Variants in SLC71A2 observed in about 807,000 individuals in gnomAD.
The protein encoded by SLC71A2 is hippocampus abundant transcript-like 1.
the SLC71A2 span, among the ~76,000 whole-genome samples, chr9:94,429,636 A>G: frequency 6.6e-6 from 1 of 152,164 alleles, no homozygotes; most frequent in Non-Finnish European, 1.5e-5. Context: ...CGAGCTGGTA[A>G]CACTGGCCAT....
chr9:94,430,504 T>C, the SLC71A2 span, among the ~76,000 whole-genome samples: 1 of 152,202 alleles, frequency 6.6e-6, no homozygotes, highest in Non-Finnish European at 1.5e-5. Flanking sequence ...ATCACAGGCA[T>C]GAGCCACTGC....
the SLC71A2 span, among the ~76,000 whole-genome samples, chr9:94,416,808 C>T: frequency 1.3e-5 from 2 of 150,096 alleles, no homozygotes; most frequent in Admixed American, 1.3e-4. Context: ...GAGCTGAGAT[C>T]GTGCCATTGC....
At chr9:94,392,647 T>G in the SLC71A2 span, among the ~76,000 whole-genome samples, 1 of 152,042 alleles carries the variant, frequency 6.6e-6, no homozygotes. Context: ...ACTACAGGCT[T>G]GTGCCACCAT....
the SLC71A2 span, among the ~76,000 whole-genome samples, chr9:94,435,650 C>CTTTT: frequency 8.5e-4 from 41 of 48,392 alleles, no homozygotes; most frequent in Non-Finnish European, 1.3e-3. Context: ...TTTCCTTCTT[C>CTTTT]TTTTTTTTTT....
At chr9:94,391,663 G>A in the SLC71A2 span, among the ~76,000 whole-genome samples, 62 of 149,312 alleles carry the variant, frequency 4.2e-4, no homozygotes, top group Non-Finnish European at 7.5e-4. Context: ...TGAGGCGGGC[G>A]GATTGCCTCT....
the SLC71A2 span, chr9:94,446,940 A>AGTCC: frequency 7.1e-7 from 1 of 1,400,058 alleles, no homozygotes; most frequent in Non-Finnish European, 1.0e-6. Context: ...CAGGCAGGTG[A>AGTCC]GTAGTGAGTG....
the SLC71A2 span, among the ~76,000 whole-genome samples, chr9:94,401,852 C>G: frequency 6.6e-6 from 1 of 152,178 alleles, no homozygotes; most frequent in African/African-American, 2.4e-5. Flanking sequence ...AGAATGGCTA[C>G]TCCATAGACA....
At chr9:94,439,008 G>A in the SLC71A2 span, among the ~76,000 whole-genome samples, 1 of 142,322 alleles carries the variant, frequency 7.0e-6, no homozygotes, top group Non-Finnish European at 1.5e-5. Context: ...AAATAATAAT[G>A]TGAATTTGAG....
the SLC71A2 span, among the ~76,000 whole-genome samples, chr9:94,382,578 A>AT: frequency 6.6e-6 from 1 of 151,938 alleles, no homozygotes; most frequent in African/African-American, 2.4e-5. Context: ...AAATTTATCA[A>AT]TTTGCTCTTT....
the SLC71A2 span, chr9:94,454,171 C>A: frequency 1.3e-6 from 1 of 782,896 alleles, no homozygotes; most frequent in Non-Finnish European, 2.2e-6. Flanking sequence ...GGTTATTTTG[C>A]TGGTTTGGTG....
At chr9:94,417,943 G>A in the SLC71A2 span, among the ~76,000 whole-genome samples, 5 of 133,028 alleles carry the variant, frequency 3.8e-5, no homozygotes, top group Admixed American at 8.8e-5. Context: ...TGCATCCTCC[G>A]CCTCCCGGGT....
At chr9:94,426,626 T>C in the SLC71A2 span, among the ~76,000 whole-genome samples, 39 of 152,324 alleles carry the variant, frequency 2.6e-4, no homozygotes, top group South Asian at 2.1e-4. Context: ...TTATTACATG[T>C]AGATATTTCT....
the SLC71A2 span, among the ~76,000 whole-genome samples, chr9:94,403,503 CTT>C: frequency 1.4e-5 from 2 of 144,090 alleles, no homozygotes; most frequent in African/African-American, 2.5e-5. Flanking sequence ...AGTCAGTTTC[CTT>C]TTTTTTTTTT....
chr9:94,397,563 C>A, the SLC71A2 span, among the ~76,000 whole-genome samples: 2 of 151,884 alleles, frequency 1.3e-5, no homozygotes, highest in Admixed American at 6.6e-5. Context: ...ACTGAGATTT[C>A]TTGTATTTTA....
chr9:94,381,648 G>A, the SLC71A2 span, among the ~76,000 whole-genome samples: 1 of 152,090 alleles, frequency 6.6e-6, no homozygotes, highest in Non-Finnish European at 1.5e-5. Flanking sequence ...TGAAATGGCT[G>A]GGTCATATGG....
chr9:94,456,710 T>G, the SLC71A2 span, among the ~76,000 whole-genome samples: 68 of 152,354 alleles, frequency 4.5e-4, no homozygotes, highest in Middle Eastern at 3.4e-3. Flanking sequence ...CTTAATTACT[T>G]TATTCACTAA....
At chr9:94,392,024 C>G in the SLC71A2 span, among the ~76,000 whole-genome samples, 1 of 152,230 alleles carries the variant, frequency 6.6e-6, no homozygotes, top group East Asian at 1.9e-4. Context: ...TCCCCCCACC[C>G]CCTTTATTTT....
At chr9:94,403,551 A>G in the SLC71A2 span, among the ~76,000 whole-genome samples, 2 of 151,074 alleles carry the variant, frequency 1.3e-5, no homozygotes, top group Non-Finnish European at 2.9e-5. Context: ...TACATGTACC[A>G]TATTTTGTTT....
the SLC71A2 span, among the ~76,000 whole-genome samples, chr9:94,452,025 G>C: frequency 6.6e-6 from 1 of 152,190 alleles, no homozygotes; most frequent in South Asian, 2.1e-4. Context: ...TGTTTTCTCA[G>C]AAAAGATGAT....
Sources: gnomAD v4.1 joint callset for allele counts (sites outside exome capture counted in the v4.1 genomes callset) on GRCh38, gnomAD v4.1.1 for gene constraint, MANE v1.5 for transcripts, NCBI Gene and HGNC (gene_info 2026-07-23, HGNC 2026-07-21) for gene names.